Variants in INTS6 observed in about 807,000 individuals in gnomAD.
The protein encoded by INTS6 is integrator complex subunit 6, also known as DEAD box protein.
In INTS6, 16 loss-of-function variants were observed where a neutral mutation model predicts 104.9. That is an observed-to-expected ratio of 0.15 (90% CI 0.10 to 0.23). The LOEUF is 0.23. Ranked by LOEUF, INTS6 falls within the 10% of genes least tolerant of loss-of-function variation. INTS6 has a pLI of 1.00. For synonymous variants in INTS6, 324 were observed against 358.7 expected (o/e 0.90, Z 1.09); for missense variants, 584 against 1,062.8 (o/e 0.55, Z 6.26).
At chr13:51,338,213 G>T in the INTS6 span, among the ~76,000 whole-genome samples, 5 of 152,138 alleles carry the variant, frequency 3.3e-5, no homozygotes, top group Admixed American at 3.3e-4. Context: ...TGAATCAGCT[G>T]TTTCCCCTGG....
intron 5 of INTS6, among the ~76,000 whole-genome samples, chr13:51,394,652 G>C (rs928559872): frequency 6.6e-6 from 1 of 152,124 alleles, no homozygotes; most frequent in Admixed American, 6.6e-5. Flanking sequence ...TGCCGTGTCT[G>C]TACTGACTAC....
At chr13:51,377,750 T>C (rs1199510693) in intron 12 of INTS6, among the ~76,000 whole-genome samples, 7 of 152,136 alleles carry the variant, frequency 4.6e-5, no homozygotes, top group Admixed American at 3.3e-4. Flanking sequence ...TCAGATGATA[T>C]AAGTCTTCCA....
At chr13:51,334,611 GAATT>G in the INTS6 span, among the ~76,000 whole-genome samples, 2 of 152,076 alleles carry the variant, frequency 1.3e-5, no homozygotes, top group Non-Finnish European at 2.9e-5. Flanking sequence ...TTTATTTCGA[GAATT>G]AATAAACGTT....
In INTS6 at chr13:51,412,813, T is replaced by C. The variant is rs149845130; in HGVS notation, c.430-17330A>G. ...ACTGGAACACCAGCAAATTCATTCA[T>C]TTACTTTCAATAAAAATTGATAAAG... On this transcript the variant is annotated intron_variant, in intron 4 of 17. Coordinates refer to ENST00000311234, the MANE Select transcript of INTS6 (RefSeq NM_012141.3). Among the ~76,000 whole-genome samples, 160 of 152,298 alleles carry C rather than the reference T, an allele frequency of 1.1e-3. 1 individual carries two copies. Among genetic ancestry groups the C allele is most frequent in the African/African-American group, 3.8e-3 (157 of 41,558 alleles).
chr13:51,384,376 T>C (rs1021742335), intron 7 of INTS6: 3 of 269,842 alleles, frequency 1.1e-5, no homozygotes, highest in Non-Finnish European at 2.2e-5. Context: ...AATCTACCTC[T>C]TAATAGTCCT....
chr13:51,383,146 A>G (rs771988085), intron 9 of INTS6, among the ~76,000 whole-genome samples, 183 bp downstream of exon 9: 1 of 150,788 alleles, frequency 6.6e-6, no homozygotes, highest in African/African-American at 2.4e-5. Context: ...AAGTGTTTCA[A>G]TATCATCTTT....
At position 51,362,237 on chromosome 13, in the gene INTS6, C is replaced by T. The variant is rs1955592872; in HGVS notation, c.*3515G>A. ...ATCTTGCCCTTTTTTCCCTTTGTCC[C>T]CTAGCTTTCTTATCATTTTAGAGTT... On this transcript the variant is annotated 3_prime_UTR_variant, in exon 18 of 18. Coordinates refer to ENST00000311234, the MANE Select transcript of INTS6 (RefSeq NM_012141.3). 1 of 448,390 alleles carries T rather than the reference C, an allele frequency of 2.2e-6. No homozygotes were observed. Among genetic ancestry groups the T allele is most frequent in the Non-Finnish European group, 3.7e-6 (1 of 270,330 alleles). The allele number at this position is 448,390 out of a possible 1,614,324, so 27.8% of individuals were successfully genotyped here.
chr13:51,383,205 C>A (rs914835115), intron 9 of INTS6, 124 bp downstream of exon 9: 13 of 779,248 alleles, frequency 1.7e-5, no homozygotes, highest in Non-Finnish European at 2.2e-5. Context: ...TAAAGATGTT[C>A]AACATTTTAG....
the INTS6 span, chr13:51,348,662 C>T: frequency 3.5e-6 from 1 of 286,296 alleles, no homozygotes; most frequent in Non-Finnish European, 5.6e-6. Context: ...ACAAGATATT[C>T]TGCCTTCACT....
In INTS6 at chr13:51,362,137, A is replaced by AT. The variant is rs372324956; in HGVS notation, c.*3614dup. 36,488 of 981,766 alleles carry AT rather than the reference A, an allele frequency of 0.037. 6 individuals carry two copies. The highest frequency in any genetic ancestry group is 0.051 in the East Asian group (1,175 of 22,818). 60.8% of individuals were successfully genotyped at this position (981,766 alleles called of 1,614,324 possible). On this transcript the variant is annotated 3_prime_UTR_variant, in exon 18 of 18. Transcript: ENST00000311234. ...CTCAGCTCATATATAGTTAATGTAG[A>AT]TTTTTTTTTTTAATGCTATAGGTTT...
At chr13:51,424,779 G>C (rs1956958246) in intron 4 of INTS6, among the ~76,000 whole-genome samples, 1 of 151,882 alleles carries the variant, frequency 6.6e-6, no homozygotes, top group Non-Finnish European at 1.5e-5. Context: ...GGCTACTACA[G>C]GATAAACATG....
At chr13:51,451,450 T>A (rs933509737) in intron 2 of INTS6, 1 of 207,570 alleles carries the variant, frequency 4.8e-6, no homozygotes, top group African/African-American at 2.3e-5. Context: ...TTTGGGTATG[T>A]GAAGGTACTA....
chr13:51,341,352 G>A, the INTS6 span: 1 of 1,584,666 alleles, frequency 6.3e-7, no homozygotes, highest in Non-Finnish European at 8.6e-7. Flanking sequence ...TCCATGGTAA[G>A]AGGCCTGCCC....
intron 13 of INTS6, among the ~76,000 whole-genome samples, chr13:51,375,090 C>T (rs1955890935): frequency 6.6e-6 from 1 of 152,088 alleles, no homozygotes; most frequent in Admixed American, 6.5e-5. Context: ...GTGGCTCATG[C>T]CTGTAATCCC....
At chr13:51,446,872 T>C (rs1166452623) in intron 3 of INTS6, 1 of 152,092 alleles carries the variant, frequency 6.6e-6, no homozygotes, top group African/African-American at 2.4e-5. Flanking sequence ...AAACAGAAAG[T>C]AGAATAGAGG....
intron 4 of INTS6, among the ~76,000 whole-genome samples, chr13:51,417,154 C>A (rs1181294639): frequency 6.6e-6 from 1 of 152,102 alleles, no homozygotes; most frequent in Non-Finnish European, 1.5e-5. Flanking sequence ...CAAATATTTT[C>A]TCTCATTCTG....
chr13:51,363,155 G>C lies in INTS6; in HGVS notation c.*2597C>G, dbSNP rs1361592779. The stretch of plus-strand genomic sequence containing the variant: ...AATAAAGGTTGATAGGTAAAAGAGA[G>C]ATTCTGATTTTGGAATTCAAGTGCA... On this transcript the variant is annotated 3_prime_UTR_variant, in exon 18 of 18. Coordinates refer to ENST00000311234, the MANE Select transcript of INTS6 (RefSeq NM_012141.3). 2 of 151,928 alleles carry C rather than the reference G, an allele frequency of 1.3e-5. No homozygotes were observed. The highest frequency in any genetic ancestry group is 2.9e-5 in the Non-Finnish European group (2 of 67,900). 9.4% of individuals were successfully genotyped at this position (151,928 alleles called of 1,614,324 possible). A position where few individuals can be genotyped will look rare whatever the true frequency, so the allele number is the denominator to read the frequency against.
At position 51,365,501 on chromosome 13, in the gene INTS6, G is replaced by C. The variant is rs1429043076; in HGVS notation, c.*251C>G. Reference sequence around the variant, plus strand: ...ACGCAAGAGTCAATGACAAGCAAGAGATTTGGAGGAATATTTTTAGTTTGT... The same window carrying C: ...ACGCAAGAGTCAATGACAAGCAAGACATTTGGAGGAATATTTTTAGTTTGT... On this transcript the variant is annotated 3_prime_UTR_variant, in exon 18 of 18. Transcript: ENST00000311234. 3 of 219,468 alleles carry C rather than the reference G, an allele frequency of 1.4e-5. No homozygotes were observed. The highest frequency in any genetic ancestry group is 2.7e-5 in the Non-Finnish European group (3 of 109,916). The allele number at this position is 219,468 out of a possible 1,614,324, so 13.6% of individuals were successfully genotyped here.
downstream of INTS6, among the ~76,000 whole-genome samples, chr13:51,351,487 TTGTC>T (rs1351543524): frequency 2.0e-5 from 3 of 152,128 alleles, no homozygotes; most frequent in African/African-American, 7.2e-5. Flanking sequence ...TTTAAATTGG[TTGTC>T]TTTTTATTAT....
Sources: gnomAD v4.1 joint callset for allele counts (sites outside exome capture counted in the v4.1 genomes callset) on GRCh38, gnomAD v4.1.1 for gene constraint, MANE v1.5 for transcripts, NCBI Gene and HGNC (gene_info 2026-07-23, HGNC 2026-07-21) for gene names.